The following SRD5A3 variants were observed in gnomAD, a reference collection of about 807,000 sequenced individuals.
SRD5A3 encodes steroid 5 alpha-reductase 3, also known as polyprenal reductase.
In SRD5A3, 24 loss-of-function variants were observed where a neutral mutation model predicts 34.3. The observed-to-expected ratio is 0.70, with a 90% CI of 0.51 to 0.99. SRD5A3 has a LOEUF of 0.99. Ranked by LOEUF, SRD5A3 falls within the 50% of genes least tolerant of loss-of-function variation. SRD5A3 has a pLI of 0.00. For missense variants in SRD5A3, 350 were observed against 388.2 expected, an observed-to-expected ratio of 0.90 and a Z score of 0.83; for synonymous variants, 161 against 167.3, an observed-to-expected ratio of 0.96 and a Z score of 0.29.
chr4:55,361,331 A>G (rs1456081658), intron 2 of SRD5A3, among the ~76,000 whole-genome samples: 2 of 151,706 alleles, frequency 1.3e-5, no homozygotes, highest in African/African-American at 2.4e-5. Flanking sequence ...AAAATACAAA[A>G]CTTAGCTGGG....
At chr4:55,358,334 C>T (rs187879135) in intron 1 of SRD5A3, among the ~76,000 whole-genome samples, 2 of 151,996 alleles carry the variant, frequency 1.3e-5, no homozygotes, top group African/African-American at 4.8e-5. Context: ...AGTTTGAGAC[C>T]AGCCTGGGCA....
Position 55,348,133 on chromosome 4 carries a change from G to A in SRD5A3, c.221+1576G>A, listed in dbSNP as rs115116045. ...CTTTTCCTTATTCATTACTGTAACAGTTGGTTCTGTTTGGACTTCCTGTAA... is the reference window on the plus strand; with the variant it reads ...CTTTTCCTTATTCATTACTGTAACAATTGGTTCTGTTTGGACTTCCTGTAA... On this transcript the variant is annotated intron_variant, in intron 1 of 4. Coordinates refer to ENST00000264228, the MANE Select transcript of SRD5A3 (RefSeq NM_024592.5). 4.2e-3 allele frequency among the ~76,000 whole-genome samples: 643 copies of A among 152,272 alleles called. 1 individual carries two copies. Among genetic ancestry groups the A allele is most frequent in the Non-Finnish European group, 6.1e-3 (414 of 68,020 alleles).
chr4:55,359,292 A>C (rs1719586447), intron 1 of SRD5A3, 54 bp from the exon 2 acceptor site: 8 of 1,609,712 alleles, frequency 5.0e-6, no homozygotes, highest in Non-Finnish European at 6.8e-6. Context: ...TTCCCGTATA[A>C]GAGCTTGAAG....
chr4:55,365,221 A>G (rs991215806), intron 3 of SRD5A3, among the ~76,000 whole-genome samples: 2 of 152,148 alleles, frequency 1.3e-5, no homozygotes, highest in Non-Finnish European at 2.9e-5. Context: ...CCATCCTTGT[A>G]AACTCAGGCT....
intron 1 of SRD5A3, 24 bp downstream of exon 1, chr4:55,346,581 C>T (rs1719006145): frequency 1.3e-6 from 2 of 1,556,802 alleles, no homozygotes; most frequent in Non-Finnish European, 1.7e-6. Flanking sequence ...GGTCCCGAGC[C>T]GCGGTGGTCA....
Position 55,351,834 on chromosome 4 carries a change from T to C in SRD5A3, c.221+5277T>C, listed in dbSNP as rs1282822192. 6 of 539,838 alleles carry C rather than the reference T, an allele frequency of 1.1e-5. No individual in the cohort carries two copies. The Admixed American group carries it at 1.3e-4, about 12-fold the overall frequency. The allele number at this position is 539,838 out of a possible 1,614,324, so 33.4% of individuals were successfully genotyped here. ...GAATTAGAATCAAGGGGCTCCATAA[T>C]CATCTGGCATTCATTCAATGTTGTA... On this transcript the variant is annotated intron_variant, in intron 1 of 4. Coordinates refer to ENST00000264228, the MANE Select transcript of SRD5A3 (RefSeq NM_024592.5).
intron 1 of SRD5A3, among the ~76,000 whole-genome samples, chr4:55,350,893 G>A (rs574512081): frequency 1.3e-5 from 2 of 148,156 alleles, no homozygotes; most frequent in Non-Finnish European, 3.0e-5. Context: ...ACCCCCAGTA[G>A]CTGGGATTAC....
intron 1 of SRD5A3, among the ~76,000 whole-genome samples, chr4:55,354,448 G>A (rs1050143081): frequency 6.6e-6 from 1 of 152,138 alleles, no homozygotes. Context: ...CCAAACCATA[G>A]AGTAGCTTCT....
chr4:55,351,713 A>G, intron 1 of SRD5A3: 1 of 398,244 alleles, frequency 2.5e-6, no homozygotes, highest in Non-Finnish European at 4.9e-6. Flanking sequence ...TAGAGCAAAT[A>G]GGTCAACAGA....
intron 3 of SRD5A3, among the ~76,000 whole-genome samples, chr4:55,366,179 C>T (rs1449715342): frequency 6.6e-6 from 1 of 152,182 alleles, no homozygotes; most frequent in Non-Finnish European, 1.5e-5. Flanking sequence ...CCTTTTCCTG[C>T]ATTATAATTC....
intron 1 of SRD5A3, among the ~76,000 whole-genome samples, chr4:55,353,779 C>G (rs187653536): frequency 2.0e-5 from 3 of 152,120 alleles, no homozygotes; most frequent in Non-Finnish European, 2.9e-5. Context: ...TGAAGTCAAG[C>G]GCAACACAAA....
At chr4:55,362,494 G>T (rs909184865) in intron 2 of SRD5A3, among the ~76,000 whole-genome samples, 1 of 151,964 alleles carries the variant, frequency 6.6e-6, no homozygotes, top group African/African-American at 2.4e-5. Context: ...TCACTCTGTT[G>T]TACAGGCTGG....
In SRD5A3 at chr4:55,346,418, C is replaced by T. The variant is rs1202189123; in HGVS notation, c.82C>T (p.Leu28=). 1 of 1,600,806 alleles carries T rather than the reference C, an allele frequency of 6.2e-7. No homozygotes were observed. Among genetic ancestry groups the T allele is most frequent in the Admixed American group, 1.7e-5 (1 of 58,964 alleles). Residue 28 remains leucine (L), a synonymous_variant, in exon 1 of 5, where the codon CTG becomes TTG. Coordinates refer to ENST00000264228, the MANE Select transcript of SRD5A3 (RefSeq NM_024592.5). ...GCTCACGCTGACCGCCGCCTTCCTG[C>T]TGACCCTACTGCTGCAGCTCCTGCC... ...VWLTLTAAFL[L]TLLLQLLPPG...
intron 1 of SRD5A3, among the ~76,000 whole-genome samples, chr4:55,353,549 C>T (rs764049009): frequency 2.6e-5 from 4 of 152,202 alleles, no homozygotes; most frequent in Admixed American, 6.5e-5. Context: ...CCCCTTCTAC[C>T]CTGTGGAGGC....
intron 4 of SRD5A3, among the ~76,000 whole-genome samples, chr4:55,369,176 GGC>G (rs1230304298): frequency 6.6e-6 from 1 of 152,150 alleles, no homozygotes; most frequent in African/African-American, 2.4e-5. Flanking sequence ...AGGAAACTAA[GGC>G]ACAAAGAGGT....
intron 1 of SRD5A3, chr4:55,352,374 G>A (rs1719228519): frequency 1.3e-6 from 1 of 782,566 alleles, no homozygotes; most frequent in South Asian, 1.3e-5. Context: ...TCACTTCATG[G>A]TCGCATACTT....
chr4:55,354,436 C>A (rs899379996), intron 1 of SRD5A3, among the ~76,000 whole-genome samples: 1 of 152,128 alleles, frequency 6.6e-6, no homozygotes, highest in Non-Finnish European at 1.5e-5. Context: ...GTGTTTTAGG[C>A]CCCAAACCAT....
chr4:55,365,333 A>G (rs939949618), intron 3 of SRD5A3, among the ~76,000 whole-genome samples: 1 of 152,156 alleles, frequency 6.6e-6, no homozygotes, highest in African/African-American at 2.4e-5. Flanking sequence ...CTGTAGCTCA[A>G]CCTAAGGCCT....
intron 1 of SRD5A3, chr4:55,352,027 T>C: frequency 1.3e-6 from 1 of 767,806 alleles, no homozygotes; most frequent in Non-Finnish European, 2.4e-6. Flanking sequence ...CTTCAAATCT[T>C]GGATCCTTGG....
Sources: allele counts gnomAD v4.1 joint callset (sites outside exome capture counted in the v4.1 genomes callset), GRCh38; gene constraint gnomAD v4.1.1; transcripts MANE v1.5; gene names NCBI Gene and HGNC (gene_info 2026-07-23, HGNC 2026-07-21).